TRPC6: variants seen among roughly 807,000 people sequenced by gnomAD.
The protein encoded by TRPC6 is transient receptor potential cation channel subfamily C member 6.
In TRPC6, 55 loss-of-function variants were observed where a neutral mutation model predicts 90.7. The ratio of observed to expected loss-of-function variants is 0.61; its 90% CI spans 0.49 to 0.76. The LOEUF is 0.76. Ranked by LOEUF, TRPC6 falls within the 30% of genes least tolerant of loss-of-function variation. The pLI is 0.00. For missense variants in TRPC6, 989 were observed against 1,122.7 expected (o/e 0.88, Z 1.70); for synonymous variants, 393 against 393.0 (o/e 1.00, Z 0.00).
chr11:101,542,124 G>T (rs1341513392), intron 1 of TRPC6, among the ~76,000 whole-genome samples: 3 of 152,166 alleles, frequency 2.0e-5, no homozygotes, highest in Non-Finnish European at 4.4e-5. Flanking sequence ...AGCCATAATT[G>T]TACTTAATGT....
At chr11:101,548,343 A>ATAATATATAATTATATAATTATATCT (rs1861363667) in intron 1 of TRPC6, among the ~76,000 whole-genome samples, 4 of 142,396 alleles carry the variant, frequency 2.8e-5, no homozygotes, top group Admixed American at 7.3e-5. Flanking sequence ...GAAATACAAT[A>ATAATATATAATTATATAATTATATCT]TATAATTATA....
At chr11:101,549,530 AAG>A (rs926684586) in intron 1 of TRPC6, among the ~76,000 whole-genome samples, 93 of 151,878 alleles carry the variant, frequency 6.1e-4, no homozygotes, top group African/African-American at 2.2e-3. Flanking sequence ...CTATAATAAA[AAG>A]AAATATTTAA....
intron 1 of TRPC6, among the ~76,000 whole-genome samples, chr11:101,564,586 AT>A (rs551320657): frequency 2.2e-3 from 329 of 152,270 alleles, no homozygotes; most frequent in South Asian, 0.014. Context: ...GCACAAACAA[AT>A]GGAAAGATAT....
chr11:101,583,646 G>C lies in TRPC6; in HGVS notation c.-143C>G. 2 of 920,316 alleles carry C rather than the reference G, an allele frequency of 2.2e-6. No individual in the cohort carries two copies. The highest frequency in any genetic ancestry group is 2.5e-5 in the South Asian group (1 of 40,646). The allele number at this position is 920,316 out of a possible 1,614,324, so 57.0% of individuals were successfully genotyped here. A position where few individuals can be genotyped will look rare whatever the true frequency, so the allele number is the denominator to read the frequency against. On this transcript the variant is annotated 5_prime_UTR_variant, in exon 1 of 13. Coordinates refer to ENST00000344327, the MANE Select transcript of TRPC6 (RefSeq NM_004621.6). ...TGCCCAGGGGACGACGGTGAAGCAG[G>C]GGGTGCAGACGCCCGCCGCAAGTGG...
chr11:101,484,907 C>G (rs1290648360), intron 4 of TRPC6, among the ~76,000 whole-genome samples: 1 of 151,844 alleles, frequency 6.6e-6, no homozygotes, highest in African/African-American at 2.4e-5. Context: ...TGTGTCAATA[C>G]GTATAACATA....
chr11:101,534,669 A>C (rs931700888), intron 1 of TRPC6, among the ~76,000 whole-genome samples: 20 of 152,328 alleles, frequency 1.3e-4, no homozygotes, highest in Middle Eastern at 3.4e-3. Flanking sequence ...AAGACTAAAT[A>C]ACAACTGATA....
chr11:101,452,347 T>TGTTA lies in TRPC6; in HGVS notation c.*604_*607dup, dbSNP rs1279941615. On this transcript the variant is annotated 3_prime_UTR_variant, in exon 13 of 13. Coordinates refer to ENST00000344327, the MANE Select transcript of TRPC6 (RefSeq NM_004621.6). ...TCAGTGGAGGAAAAACTTTTTTCAT[T>TGTTA]GTTAAGTGTAATGTTTTCAAATAGA... 6.5e-6 allele frequency: 1 copy of TGTTA among 153,290 alleles called. No individual in the cohort carries two copies. The allele number at this position is 153,290 out of a possible 1,614,324, so 9.5% of individuals were successfully genotyped here. A position where few individuals can be genotyped will look rare whatever the true frequency, so the allele number is the denominator to read the frequency against.
chr11:101,573,302 A>G (rs888657012), intron 1 of TRPC6, among the ~76,000 whole-genome samples: 1 of 149,286 alleles, frequency 6.7e-6, no homozygotes, highest in Non-Finnish European at 1.5e-5. Flanking sequence ...CTTCAGAGGA[A>G]GCGTAGAACA....
chr11:101,568,105 G>A (rs1565248987), intron 1 of TRPC6, among the ~76,000 whole-genome samples: 1 of 152,172 alleles, frequency 6.6e-6, no homozygotes, highest in Non-Finnish European at 1.5e-5. Context: ...CCAATGCAAG[G>A]AAGCTAAGAA....
At chr11:101,505,992 A>T in intron 1 of TRPC6, among the ~76,000 whole-genome samples, 1 of 147,132 alleles carries the variant, frequency 6.8e-6, no homozygotes, top group East Asian at 2.0e-4. Context: ...AGCCTGGGTG[A>T]TAGAACAAGA....
chr11:101,463,607 T>C (rs1238138888), intron 10 of TRPC6, among the ~76,000 whole-genome samples: 1 of 152,226 alleles, frequency 6.6e-6, no homozygotes, highest in Non-Finnish European at 1.5e-5. Flanking sequence ...GAGGTGTTTA[T>C]AGTATTCTCT....
At chr11:101,568,006 A>G (rs922454660) in intron 1 of TRPC6, among the ~76,000 whole-genome samples, 8 of 152,152 alleles carry the variant, frequency 5.3e-5, no homozygotes, top group African/African-American at 1.9e-4. Context: ...ACAAAACTAG[A>G]TGGAGAATGA....
chr11:101,572,411 G>C (rs987411990), intron 1 of TRPC6, among the ~76,000 whole-genome samples: 2 of 152,186 alleles, frequency 1.3e-5, no homozygotes, highest in Non-Finnish European at 2.9e-5. Context: ...ACTGTTGGTG[G>C]GAGTGTAAAC....
chr11:101,560,752 G>C (rs571684581), intron 1 of TRPC6, among the ~76,000 whole-genome samples: 1 of 152,258 alleles, frequency 6.6e-6, no homozygotes, highest in African/African-American at 2.4e-5. Context: ...CTGAAGGGCT[G>C]TTCCTGAAGA....
Position 101,504,408 on chromosome 11 carries a change from A to T in TRPC6, c.561T>A (p.Ala187=). ...GGCTGGTTGCTAACCTCTTGCCTTC[A>T]GCAAAAGCCGGATGACTGAGAATTG... ...VEAILSHPAF[A]EGKRLATSPS... Residue 187 remains alanine (A), a synonymous_variant, in exon 2 of 13, where the codon GCT becomes GCA. Coordinates refer to ENST00000344327, the MANE Select transcript of TRPC6 (RefSeq NM_004621.6). 1 of 1,614,124 alleles carries T rather than the reference A, an allele frequency of 6.2e-7. No homozygotes were observed. The highest frequency in any genetic ancestry group is 8.5e-7 in the Non-Finnish European group (1 of 1,180,016).
intron 1 of TRPC6, among the ~76,000 whole-genome samples, chr11:101,515,971 C>T (rs185196378): frequency 2.3e-4 from 35 of 151,968 alleles, no homozygotes; most frequent in East Asian, 3.9e-4. Context: ...TTAATTTTCA[C>T]GGCATTTGGT....
intron 2 of TRPC6, among the ~76,000 whole-genome samples, chr11:101,493,914 A>G (rs1859884665): frequency 1.3e-5 from 2 of 152,172 alleles, no homozygotes; most frequent in Admixed American, 6.6e-5. Context: ...CCAAAAGTGA[A>G]TATCATTGCA....
chr11:101,456,793 CA>C (rs2136641809), intron 10 of TRPC6, among the ~76,000 whole-genome samples: 1 of 152,270 alleles, frequency 6.6e-6, no homozygotes, highest in Non-Finnish European at 1.5e-5. Context: ...TATAAACTCA[CA>C]TGAAGCATTT....
chr11:101,497,079 G>C (rs764671115), intron 2 of TRPC6, among the ~76,000 whole-genome samples: 25 of 152,316 alleles, frequency 1.6e-4, no homozygotes, highest in South Asian at 4.1e-4. Flanking sequence ...GAACATAGCT[G>C]AGTAGAAAGC....
Sources: allele counts gnomAD v4.1 joint callset (sites outside exome capture counted in the v4.1 genomes callset), GRCh38; gene constraint gnomAD v4.1.1; transcripts MANE v1.5; gene names NCBI Gene and HGNC (gene_info 2026-07-23, HGNC 2026-07-21).